Variants in TGM4 observed in about 807,000 individuals in gnomAD.
TGM4 encodes protein-glutamine gamma-glutamyltransferase 4.
A neutral mutation model predicts 76.3 loss-of-function variants in TGM4; 61 were observed. The observed-to-expected ratio is 0.80, with a 90% CI of 0.65 to 0.99. The LOEUF (loss-of-function observed/expected upper bound fraction) is 0.99, where lower values mean the gene tolerates loss of function less well. TGM4 is among the 50% of genes least tolerant of loss of function. TGM4 has a pLI of 0.00. For synonymous variants in TGM4, 337 were observed against 329.8 expected (o/e 1.02, Z -0.24); for missense variants, 794 against 843.2 (o/e 0.94, Z 0.72).
intron 1 of TGM4, among the ~76,000 whole-genome samples, chr3:44,879,261 C>A (rs911634901): frequency 0.05 from 4,602 of 92,372 alleles, 90 homozygotes; most frequent in Non-Finnish European, 0.059. Context: ...CTCTCTCTCT[C>A]TCTCTATATA....
intron 2 of TGM4, 150 bp downstream of exon 2, chr3:44,885,648 C>A: frequency 3.5e-6 from 3 of 845,988 alleles, no homozygotes; most frequent in Admixed American, 5.9e-5. Flanking sequence ...GGAATAATAG[C>A]GGGTGTGAAG....
intron 8 of TGM4, among the ~76,000 whole-genome samples, chr3:44,902,607 AAAAC>A (rs892664283): frequency 3.3e-5 from 5 of 151,716 alleles, no homozygotes; most frequent in African/African-American, 1.2e-4. Context: ...TCAAAAAACA[AAAAC>A]AAAAACAAAA....
At chr3:44,911,465 G>T in intron 13 of TGM4, 59 bp downstream of exon 13, 2 of 1,586,800 alleles carry the variant, frequency 1.3e-6, no homozygotes, top group Non-Finnish European at 1.7e-6. Flanking sequence ...TTGCACATGT[G>T]TGCATATTCC....
At chr3:44,884,384 A>G (rs547178812) in intron 1 of TGM4, among the ~76,000 whole-genome samples, 2 of 152,318 alleles carry the variant, frequency 1.3e-5, no homozygotes, top group South Asian at 4.1e-4. Context: ...TAACAGACAC[A>G]TGGTGAGAAA....
chr3:44,885,386 G>A lies in TGM4; in HGVS notation c.81G>A (p.Trp27Ter). The change falls in exon 2 of 14, where the codon TGG (tryptophan) becomes TGA (stop). Residue 27 changes from tryptophan (W) to a stop codon, truncating the protein, a stop_gained. Transcript: ENST00000296125. LOFTEE classifies it high-confidence loss of function. Reference protein sequence around the residue: ...NQDNAVSHHTWEFQTSSPVFR... With the variant: ...NQDNAVSHHT ...ACAACGCCGTTTCTCACCACACATG[G>A]GAGTTCCAAACGAGCAGTCCTGTGT... 1 of 1,614,022 alleles carries A rather than the reference G, an allele frequency of 6.2e-7. No individual in the cohort carries two copies. Among genetic ancestry groups the A allele is most frequent in the East Asian group, 2.2e-5 (1 of 44,874 alleles).
chr3:44,901,296 G>T (rs185065280), intron 6 of TGM4, among the ~76,000 whole-genome samples: 182 of 152,302 alleles, frequency 1.2e-3, no homozygotes, highest in East Asian at 7.3e-3. Context: ...CATTTTACAA[G>T]GGAGGAAACT....
chr3:44,909,645 T>C (rs950672935), intron 10 of TGM4, among the ~76,000 whole-genome samples: 2 of 152,160 alleles, frequency 1.3e-5, no homozygotes, highest in African/African-American at 4.8e-5. Flanking sequence ...GCTGCTGGTT[T>C]TCACTGTGAT....
chr3:44,893,572 T>C lies in TGM4; in HGVS notation c.431-5T>C, dbSNP rs373732877. The C allele has an allele frequency of 9.4e-5, 152 of 1,612,770 alleles. No homozygotes were observed. The African/African-American group carries it at 1.5e-3, about 16-fold the overall frequency. ...AACCTCTGTGGATGTGTGGTCTTGC[T>C]TCAGAGGACATGGTTTTCATGCCTG... On this transcript the variant is annotated splice_region_variant and splice_polypyrimidine_tract_variant and intron_variant, in intron 4 of 13. Transcript: ENST00000296125.
chr3:44,895,250 G>A (rs1699764357), intron 5 of TGM4, among the ~76,000 whole-genome samples: 1 of 152,198 alleles, frequency 6.6e-6, no homozygotes, highest in African/African-American at 2.4e-5. Flanking sequence ...AGCCGAGATG[G>A]CGCCACTGTA....
In TGM4 at chr3:44,901,029, A is replaced by G. The variant is rs188577749; in HGVS notation, c.658-495A>G. On this transcript the variant is annotated intron_variant, in intron 6 of 13. Coordinates refer to ENST00000296125, the MANE Select transcript of TGM4 (RefSeq NM_003241.4). ...TGAGACAGTTGGATTACTTGAGCTC[A>G]GGAGTTTGAAACCAACCTGGCCAAC... is the stretch of plus-strand genomic sequence containing the variant. 1.1e-3 allele frequency: 170 copies of G among 157,722 alleles called. 2 individuals are homozygous for G. Among genetic ancestry groups the G allele is most frequent in the African/African-American group, 3.5e-3 (147 of 41,654 alleles). The allele number at this position is 157,722 out of a possible 1,614,324, so 9.8% of individuals were successfully genotyped here.
chr3:44,906,398 A>C (rs1559619781), intron 9 of TGM4, among the ~76,000 whole-genome samples: 1 of 152,210 alleles, frequency 6.6e-6, no homozygotes, highest in Non-Finnish European at 1.5e-5. Flanking sequence ...ACAAAAATGA[A>C]AAATAAATAA....
intron 2 of TGM4, among the ~76,000 whole-genome samples, chr3:44,886,059 G>A (rs1469027139): frequency 6.6e-6 from 1 of 152,170 alleles, no homozygotes; most frequent in Non-Finnish European, 1.5e-5. Context: ...AATAGATCAA[G>A]TAAGCTGGGC....
intron 10 of TGM4, 133 bp downstream of exon 10, chr3:44,907,333 AT>A: frequency 1.1e-6 from 1 of 883,180 alleles, no homozygotes; most frequent in Non-Finnish European, 1.6e-6. Flanking sequence ...AAAAAAAAAA[AT>A]TAGCTGGGTG....
Position 44,905,837 on chromosome 3 carries a change from C to CCCT in TGM4, c.1076-1112_1076-1111insCCT, listed in dbSNP as rs1456303733. Reference sequence around the variant, plus strand: ...GGAGCAGGTGATATGCCCACACCCCCGCATACTCTGCAGGAAGATTCTCAG... The same window carrying CCCT: ...GGAGCAGGTGATATGCCCACACCCCCCCTGCATACTCTGCAGGAAGATTCTCAG... On this transcript the variant is annotated intron_variant, in intron 9 of 13. Transcript: ENST00000296125. Among the ~76,000 whole-genome samples the CCCT allele has an allele frequency of 8.8e-5, 9 of 102,780 alleles. No individual in the cohort carries two copies. The East Asian group carries it at 8.1e-3, about 92-fold the overall frequency. The allele number at this position is 102,780 out of a possible 152,430, so 67.4% of individuals were successfully genotyped here.
rs3082589 is a variant in TGM4 at position 44,907,310 on chromosome 3, C to CAAAAA, written c.1327+129_1327+133dup. ...CAACATGGTGAAACCCCATCCCTAC[C>CAAAAA]AAAAAAAAAAAAAAAAAAAAAAATT... On this transcript the variant is annotated intron_variant, in intron 10 of 13. Transcript: ENST00000296125. 82 of 660,372 alleles carry CAAAAA rather than the reference C, an allele frequency of 1.2e-4. No homozygotes were observed. In the African/African-American group the frequency reaches 1.5e-3, roughly 12 times the overall value. The allele number at this position is 660,372 out of a possible 1,614,324, so 40.9% of individuals were successfully genotyped here.
At chr3:44,879,253 CTCTCTCTCTCTCTA>C (rs1699494464) in intron 1 of TGM4, among the ~76,000 whole-genome samples, 1 of 97,904 alleles carries the variant, frequency 1.0e-5, no homozygotes, top group African/African-American at 3.2e-5. Context: ...CTCTCTCTCT[CTCTCTCTCTCTCTA>C]TATATATATA....
intron 1 of TGM4, among the ~76,000 whole-genome samples, chr3:44,879,265 C>CTCTCTCTCTCTCTCTATA (rs1482970491): frequency 1.1e-5 from 1 of 92,294 alleles, no homozygotes; most frequent in African/African-American, 4.4e-5. Context: ...CTCTCTCTCT[C>CTCTCTCTCTCTCTCTATA]TATATATATA....
intron 4 of TGM4, among the ~76,000 whole-genome samples, chr3:44,891,386 G>T (rs1194966662): frequency 1.3e-5 from 2 of 151,702 alleles, no homozygotes; most frequent in Non-Finnish European, 2.9e-5. Context: ...ATTTGGAAAT[G>T]ATTTTGAGCT....
rs372701610 is a variant in TGM4, at chr3:44,878,631, C to G, written c.19+3934C>G. The stretch of plus-strand genomic sequence containing the variant: ...CTGAATAGCTGGGATTACAGGCATG[C>G]GCCACATTACCCAGCTAATTTTTTA... On this transcript the variant is annotated intron_variant, in intron 1 of 13. Coordinates refer to ENST00000296125, the MANE Select transcript of TGM4 (RefSeq NM_003241.4). Among the ~76,000 whole-genome samples the G allele has an allele frequency of 3.4e-4, 51 of 151,850 alleles. 1 individual carries two copies. The South Asian group carries it at 0.011, about 32-fold the overall frequency.
Sources: allele counts gnomAD v4.1 joint callset (sites outside exome capture counted in the v4.1 genomes callset), GRCh38; gene constraint gnomAD v4.1.1; transcripts MANE v1.5; gene names NCBI Gene and HGNC (gene_info 2026-07-23, HGNC 2026-07-21).